SCUBE2: variants seen among roughly 807,000 people sequenced by gnomAD.
SCUBE2 encodes the protein signal peptide, CUB and EGF-like domain-containing protein 2.
A neutral mutation model predicts 125.9 loss-of-function variants in SCUBE2; 114 were observed. The ratio of observed to expected loss-of-function variants is 0.91; its 90% CI spans 0.78 to 1.06. The LOEUF is 1.06. SCUBE2 is among the 50% of genes least tolerant of loss of function. SCUBE2 has a pLI of 0.00. For missense variants in SCUBE2, 1,255 were observed against 1,301.8 expected (o/e 0.96, Z 0.55); for synonymous variants, 459 against 492.9 (o/e 0.93, Z 0.91).
chr11:9,026,737 C>T (rs1855802948), intron 20 of SCUBE2: 1 of 152,998 alleles, frequency 6.5e-6, no homozygotes, highest in African/African-American at 2.4e-5. Context: ...CTAAGTGTTT[C>T]ACATCTATGA....
At chr11:9,030,432 G>A in intron 18 of SCUBE2, 2 of 411,498 alleles carry the variant, frequency 4.9e-6, no homozygotes, top group South Asian at 5.8e-5. Context: ...CTGGAGAAGG[G>A]GTATTGGGGG....
intron 4 of SCUBE2, among the ~76,000 whole-genome samples, chr11:9,071,662 G>C (rs1329383716): frequency 6.6e-6 from 1 of 152,144 alleles, no homozygotes; most frequent in Non-Finnish European, 1.5e-5. Flanking sequence ...CCCCCATTCT[G>C]GTGCACCCCA....
chr11:9,032,271 C>T (rs1029016953), intron 17 of SCUBE2, among the ~76,000 whole-genome samples: 22 of 152,000 alleles, frequency 1.4e-4, no homozygotes, highest in Admixed American at 9.8e-4. Flanking sequence ...TGTGCCACCA[C>T]GCTCAGCTAT....
At chr11:9,089,164 A>G (rs1172864424) in intron 2 of SCUBE2, among the ~76,000 whole-genome samples, 1 of 152,242 alleles carries the variant, frequency 6.6e-6, no homozygotes, top group Non-Finnish European at 1.5e-5. Flanking sequence ...CCCTCTGCAC[A>G]CATCTCTCCA....
At chr11:9,039,730 T>C (rs1009869087) in intron 16 of SCUBE2, among the ~76,000 whole-genome samples, 1 of 152,098 alleles carries the variant, frequency 6.6e-6, no homozygotes, top group African/African-American at 2.4e-5. Context: ...TCTCCATCTC[T>C]GTGAGGCACA....
chr11:9,082,647 T>C (rs961975746), intron 2 of SCUBE2, among the ~76,000 whole-genome samples: 1 of 152,104 alleles, frequency 6.6e-6, no homozygotes, highest in Non-Finnish European at 1.5e-5. Flanking sequence ...ACGATAAAAA[T>C]GAATGAAATG....
At position 9,052,749 on chromosome 11, in the gene SCUBE2, C is replaced by A; in HGVS notation, c.1531G>T (p.Gly511Trp). 1.3e-6 allele frequency: 2 copies of A among 1,536,242 alleles called. No individual in the cohort carries two copies. Among genetic ancestry groups the A allele is most frequent in the South Asian group, 1.2e-5 (1 of 84,008 alleles). The part of the protein sequence containing the change: ...KQQKSNDSAF[G>W]DVTTIRTSVT... ...AACACGCAGATTTGGTAATTACCCC[C>A]AAAAGCAGAGTCATTTGATTTTTGT... The change falls in exon 13 of 23, where the codon GGG (glycine) becomes TGG (tryptophan). Residue 511 changes from glycine (G) to tryptophan (W), a missense_variant. Transcript: ENST00000649792.
intron 13 of SCUBE2, 133 bp from the exon 14 acceptor site, chr11:9,050,843 G>C (rs1041065516): frequency 2.3e-5 from 16 of 706,610 alleles, no homozygotes; most frequent in Non-Finnish European, 4.0e-5. Context: ...CCTACCCTGA[G>C]GCTAAGAGTG....
Position 9,030,848 on chromosome 11 carries a change from C to G in SCUBE2, c.2251G>C (p.Glu751Gln). ...GGGAAGCAGGAAGTTCGACCAGCTT[C>G]AGGCTGGAACGTGCCCAGGGCACAG... is the stretch of plus-strand genomic sequence containing the variant. ...QLCALGTFQP[E>Q]AGRTSCFPCG... Residue 751 changes from glutamate to glutamine, a missense_variant, in exon 18 of 23, where the codon GAA (glutamate) becomes CAA (glutamine). Glu to Gln is a conservative substitution (Grantham distance 29). Coordinates refer to ENST00000649792, the MANE Select transcript of SCUBE2 (RefSeq NM_001367977.2). 6.2e-7 allele frequency: 1 copy of G among 1,614,228 alleles called. No homozygotes were observed. The highest frequency in any genetic ancestry group is 8.5e-7 in the Non-Finnish European group (1 of 1,180,020).
At chr11:9,065,853 A>T (rs1426739245) in intron 7 of SCUBE2, 38 bp downstream of exon 7, 2 of 1,560,016 alleles carry the variant, frequency 1.3e-6, no homozygotes, top group Non-Finnish European at 1.8e-6. Context: ...GGAAAAGGAC[A>T]ATTGCAGTGG....
In SCUBE2 at chr11:9,059,701, C is replaced by T. The variant is rs181045038; in HGVS notation, c.968-276G>A. 5.8e-5 allele frequency: 25 copies of T among 429,728 alleles called. 2 individuals carry two copies. In the Admixed American group the frequency reaches 6.0e-4, roughly 10 times the overall value. The allele number at this position is 429,728 out of a possible 1,614,324, so 26.6% of individuals were successfully genotyped here. On this transcript the variant is annotated intron_variant, in intron 8 of 22. Transcript: ENST00000649792. ...AACAAACTCTGGGAAAGAATGATGA[C>T]GTCCTGTTATATTCTCATCTTTGTA...
At chr11:9,055,744 C>T in intron 10 of SCUBE2, 49 bp downstream of exon 10, 3 of 1,489,494 alleles carry the variant, frequency 2.0e-6, no homozygotes, top group Admixed American at 1.7e-5. Flanking sequence ...TGCTCCCCTC[C>T]AGGCCCAGCC....
chr11:9,054,745 T>TTTTTTTTTTTTTTTTTTC (rs1350882447), intron 10 of SCUBE2, among the ~76,000 whole-genome samples: 1 of 110,440 alleles, frequency 9.1e-6, no homozygotes, highest in Non-Finnish European at 1.9e-5. Context: ...TTTTTTTTTT[T>TTTTTTTTTTTTTTTTTTC]TTTTTTTCAG....
chr11:9,021,356 T>C (rs1440670272), intron 22 of SCUBE2, among the ~76,000 whole-genome samples, 159 bp from the exon 23 acceptor site: 2 of 152,224 alleles, frequency 1.3e-5, no homozygotes, highest in African/African-American at 4.8e-5. Context: ...TTCCAGTTTT[T>C]ATTTTTCCTA....
chr11:9,064,982 G>A (rs1240729236), intron 7 of SCUBE2: 2 of 151,982 alleles, frequency 1.3e-5, no homozygotes, highest in Non-Finnish European at 2.9e-5. Flanking sequence ...GCCAAGTGTT[G>A]CCCCTCTCCA....
At chr11:9,054,624 G>T (rs1347291395) in intron 10 of SCUBE2, among the ~76,000 whole-genome samples, 6 of 146,374 alleles carry the variant, frequency 4.1e-5, no homozygotes, top group Non-Finnish European at 7.4e-5. Context: ...GGACTGGGAA[G>T]AGTAGTATGT....
Position 9,055,898 on chromosome 11 carries a change from A to C in SCUBE2, c.1102T>G (p.Cys368Gly). Residue 368 changes from cysteine to glycine, a missense_variant, in exon 10 of 23, where the codon TGC becomes GGC. Transcript: ENST00000649792. ...TGGTCACAGGTCCTATCCAAAGAGCACTCATCCACATCTGTAATGGTCAAA... is the reference window on the plus strand; with the variant it reads ...TGGTCACAGGTCCTATCCAAAGAGCCCTCATCCACATCTGTAATGGTCAAA... ...DEKSCQDVDE[C>G]SLDRTCDHSC... The C allele has an allele frequency of 6.2e-7, 1 of 1,614,038 alleles. No homozygotes were observed. The highest frequency in any genetic ancestry group is 2.2e-5 in the East Asian group (1 of 44,888).
At chr11:9,060,263 A>G in intron 8 of SCUBE2, 145 bp downstream of exon 8, 2 of 618,350 alleles carry the variant, frequency 3.2e-6, no homozygotes, top group Non-Finnish European at 5.7e-6. Flanking sequence ...GCCCAGGGGG[A>G]AAAAGCTCCC....
At chr11:9,072,014 T>C (rs1341512824) in intron 4 of SCUBE2, among the ~76,000 whole-genome samples, 2 of 150,976 alleles carry the variant, frequency 1.3e-5, no homozygotes, top group Admixed American at 1.3e-4. Flanking sequence ...TCTCTAAGGA[T>C]AAAAAAAAAT....
Sources: allele counts gnomAD v4.1 joint callset (sites outside exome capture counted in the v4.1 genomes callset), GRCh38; gene constraint gnomAD v4.1.1; transcripts MANE v1.5; gene names NCBI Gene and HGNC (gene_info 2026-07-23, HGNC 2026-07-21).